The following CLOCK variants were observed in gnomAD, a reference collection of about 807,000 sequenced individuals.
CLOCK encodes the protein clock circadian regulator, also known as circadian locomoter output cycles protein kaput.
CLOCK carries 43 observed loss-of-function variants against 118.4 expected under a neutral mutation model. That is an observed-to-expected ratio of 0.36 (90% CI 0.28 to 0.47). The LOEUF (loss-of-function observed/expected upper bound fraction) is 0.47. Ranked by LOEUF, CLOCK falls within the 20% of genes least tolerant of loss-of-function variation. The pLI is 1.00. For missense variants in CLOCK, 846 were observed against 999.9 expected (o/e 0.85, Z 2.08); for synonymous variants, 326 against 339.2 (o/e 0.96, Z 0.43).
intron 8 of CLOCK, among the ~76,000 whole-genome samples, chr4:55,470,044 T>C (rs1243417343): frequency 1.3e-5 from 2 of 152,212 alleles, no homozygotes; most frequent in Admixed American, 1.3e-4. Flanking sequence ...AAAAAAGTTA[T>C]AATAAGCTAA....
chr4:55,507,284 G>A (rs1728872210), intron 2 of CLOCK, among the ~76,000 whole-genome samples: 1 of 152,060 alleles, frequency 6.6e-6, no homozygotes, highest in Non-Finnish European at 1.5e-5. Flanking sequence ...CTCTGGCGTG[G>A]GTGACAGAGC....
chr4:55,493,696 C>T (rs544974235), intron 2 of CLOCK, among the ~76,000 whole-genome samples: 180 of 152,262 alleles, frequency 1.2e-3, no homozygotes, highest in Non-Finnish European at 2.3e-3. Flanking sequence ...GTATTAGCCA[C>T]CTCTACAACC....
intron 8 of CLOCK, among the ~76,000 whole-genome samples, chr4:55,466,468 G>A (rs542323422): frequency 6.6e-6 from 1 of 152,084 alleles, no homozygotes; most frequent in South Asian, 2.1e-4. Flanking sequence ...CCACCAACTT[G>A]AAATATTAAT....
chr4:55,463,949 CA>C, intron 8 of CLOCK, 144 bp from the exon 9 acceptor site: 1 of 806,436 alleles, frequency 1.2e-6, no homozygotes, highest in Non-Finnish European at 1.9e-6. Context: ...GACCAAATCT[CA>C]AAAAATAAGA....
intron 9 of CLOCK, among the ~76,000 whole-genome samples, chr4:55,459,815 A>C (rs1725199412): frequency 6.6e-6 from 1 of 152,136 alleles, no homozygotes. Flanking sequence ...GGTGTGAGCC[A>C]CCATGCCTGG....
At chr4:55,540,583 T>C (rs777061099) in intron 1 of CLOCK, 1 of 152,196 alleles carries the variant, frequency 6.6e-6, no homozygotes, top group Non-Finnish European at 1.5e-5. Context: ...CATTTTCCAC[T>C]ATTTGGACCT....
intron 2 of CLOCK, among the ~76,000 whole-genome samples, chr4:55,509,608 C>T (rs894003972): frequency 7.9e-5 from 12 of 152,230 alleles, no homozygotes; most frequent in Non-Finnish European, 1.6e-4. Flanking sequence ...GACTTTCAGT[C>T]ATTTGCAAAT....
intron 6 of CLOCK, among the ~76,000 whole-genome samples, chr4:55,478,214 G>C (rs1726657232): frequency 6.6e-6 from 1 of 151,538 alleles, no homozygotes; most frequent in South Asian, 2.1e-4. Flanking sequence ...TGACTCATTT[G>C]TCAAGATGAT....
intron 2 of CLOCK, among the ~76,000 whole-genome samples, chr4:55,507,301 G>A (rs547287568): frequency 2.0e-5 from 3 of 151,508 alleles, no homozygotes; most frequent in South Asian, 2.1e-4. Context: ...GAGCAAGACC[G>A]TGTCTCAAAA....
intron 1 of CLOCK, among the ~76,000 whole-genome samples, chr4:55,538,026 T>A (rs944104270): frequency 6.6e-6 from 1 of 152,004 alleles, no homozygotes; most frequent in African/African-American, 2.4e-5. Flanking sequence ...TCAATAAAAT[T>A]AATAAACTTC....
rs777172478 is a variant in CLOCK, at chr4:55,482,750, C to T, written c.36G>A (p.Ser12=). The T allele has an allele frequency of 1.1e-5, 17 of 1,607,322 alleles. No homozygotes were observed. Among genetic ancestry groups the T allele is most frequent in the Non-Finnish European group, 1.4e-5 (16 of 1,176,434 alleles). The part of the protein sequence containing the change: ...LFTVSCSKMS[S]IVDRDDSSIF... ...CTTCAAAAACATACCTGTCAACAAT[C>T]GAGCTCATTTTACTACAGCTTACGG... Residue 12 remains serine, a synonymous_variant, in exon 4 of 23, where the codon TCG becomes TCA. Coordinates refer to ENST00000513440, the MANE Select transcript of CLOCK (RefSeq NM_004898.4).
intron 6 of CLOCK, among the ~76,000 whole-genome samples, chr4:55,477,866 G>C (rs11133388): frequency 0.34 from 51,329 of 151,894 alleles, 9,362 homozygotes; most frequent in East Asian, 0.58. Flanking sequence ...TACAATATAA[G>C]GGAAGCCAAG....
chr4:55,512,937 T>C (rs1210432177), intron 1 of CLOCK, among the ~76,000 whole-genome samples: 1 of 152,190 alleles, frequency 6.6e-6, no homozygotes, highest in Non-Finnish European at 1.5e-5. Flanking sequence ...AAAATTATAA[T>C]ATGGAGCTGA....
chr4:55,526,677 G>A (rs1011634510), intron 1 of CLOCK, among the ~76,000 whole-genome samples: 13 of 152,034 alleles, frequency 8.6e-5, no homozygotes, highest in Admixed American at 4.6e-4. Flanking sequence ...GGCCGGGCAC[G>A]GTGGCTCACG....
intron 7 of CLOCK, among the ~76,000 whole-genome samples, chr4:55,474,533 T>C (rs111809514): frequency 6.6e-6 from 1 of 152,104 alleles, no homozygotes; most frequent in South Asian, 2.1e-4. Flanking sequence ...CAGCCTTCTA[T>C]TGGGAGAAGA....
intron 11 of CLOCK, 36 bp downstream of exon 11, chr4:55,458,856 T>C (rs1577718339): frequency 6.8e-7 from 1 of 1,479,578 alleles, no homozygotes; most frequent in Non-Finnish European, 9.4e-7. Flanking sequence ...GCATATGAAC[T>C]GAAATCCCCT....
intron 2 of CLOCK, among the ~76,000 whole-genome samples, chr4:55,504,158 C>T (rs1331745800): frequency 6.6e-6 from 1 of 150,704 alleles, no homozygotes; most frequent in Non-Finnish European, 1.5e-5. Context: ...TGGTGGCAGG[C>T]GCCTATAGTC....
At chr4:55,438,243 T>A (rs773546485) in intron 22 of CLOCK, 39 bp downstream of exon 22, 1 of 1,610,360 alleles carries the variant, frequency 6.2e-7, no homozygotes, top group African/African-American at 1.3e-5. Flanking sequence ...TACATGAAAG[T>A]AAATGAGTTT....
intron 2 of CLOCK, among the ~76,000 whole-genome samples, chr4:55,495,700 T>C (rs1728022996): frequency 6.6e-6 from 1 of 152,034 alleles, no homozygotes; most frequent in Admixed American, 6.6e-5. Context: ...AGTTCCTTGA[T>C]CTCTTCTGCA....
Sources: gnomAD v4.1 joint callset for allele counts (sites outside exome capture counted in the v4.1 genomes callset) on GRCh38, gnomAD v4.1.1 for gene constraint, MANE v1.5 for transcripts, NCBI Gene and HGNC (gene_info 2026-07-23, HGNC 2026-07-21) for gene names.